The following SUN1 variants were observed in gnomAD, a reference collection of about 807,000 sequenced individuals.
The protein encoded by SUN1 is SUN domain-containing protein 1.
A neutral mutation model predicts 103.2 loss-of-function variants in SUN1; 61 were observed. That is an observed-to-expected ratio of 0.59 (90% CI 0.48 to 0.73). SUN1 has a LOEUF of 0.73. SUN1 is among the 30% of genes least tolerant of loss of function. SUN1 has a pLI of 0.00. For synonymous variants in SUN1, 490 were observed against 425.7 expected (o/e 1.15, Z -1.86); for missense variants, 1,052 against 1,034.6 (o/e 1.02, Z -0.23).
intron 16 of SUN1, among the ~76,000 whole-genome samples, 167 bp downstream of exon 16, chr7:866,234 C>G (rs1014684244): frequency 6.6e-6 from 1 of 152,180 alleles, no homozygotes; most frequent in African/African-American, 2.4e-5. Context: ...CCCGGTGTCC[C>G]CGTGTAGCCT....
At chr7:818,286 C>A (rs566361423) in intron 1 of SUN1, among the ~76,000 whole-genome samples, 98 of 152,338 alleles carry the variant, frequency 6.4e-4, no homozygotes, top group African/African-American at 2.2e-3. Flanking sequence ...TGGAATCATA[C>A]AATATGCAGC....
At chr7:835,579 C>T (rs4719520) in intron 1 of SUN1, among the ~76,000 whole-genome samples, 1 of 152,026 alleles carries the variant, frequency 6.6e-6, no homozygotes, top group South Asian at 2.1e-4. Flanking sequence ...TTCTTGTCAA[C>T]TGGTAGTTAA....
At chr7:837,973 T>G (rs1805106650) in intron 1 of SUN1, among the ~76,000 whole-genome samples, 1 of 152,262 alleles carries the variant, frequency 6.6e-6, no homozygotes, top group Non-Finnish European at 1.5e-5. Flanking sequence ...CTCTCTCTTG[T>G]CCCCACCTCA....
intron 1 of SUN1, among the ~76,000 whole-genome samples, chr7:820,513 T>A (rs1784934182): frequency 6.6e-6 from 1 of 152,222 alleles, no homozygotes; most frequent in African/African-American, 2.4e-5. Flanking sequence ...GATCATGTCA[T>A]CTGAGAATAA....
chr7:869,395 G>C lies in SUN1; in HGVS notation c.2027G>C (p.Gly676Ala). 6.2e-7 allele frequency: 1 copy of C among 1,613,846 alleles called. No individual in the cohort carries two copies. Among genetic ancestry groups the C allele is most frequent in the Middle Eastern group, 1.7e-4 (1 of 6,056 alleles). Residue 676 changes from glycine (G) to alanine (A), a missense_variant, in exon 17 of 19, where the codon GGG becomes GCG. Around this residue, in one of 2 missense-constraint regions of SUN1, gnomAD observed 206 missense variants for 260.1 expected, o/e 0.79. Coordinates refer to ENST00000401592, the MANE Select transcript of SUN1 (RefSeq NM_001130965.3). ...TGCTGGGCATTTAAAGGCTCCCAGG[G>C]GTACCTGGTGGTGAGGCTCTCCATG... ...GNCWAFKGSQ[G>A]YLVVRLSMMI... is the part of the protein sequence containing the mutation.
intron 2 of SUN1, chr7:841,694 C>T: frequency 2.2e-6 from 1 of 447,910 alleles, no homozygotes. Flanking sequence ...CTTTTAACCA[C>T]TTGGGGTCAT....
chr7:833,604 C>T (rs1337030511), intron 1 of SUN1, among the ~76,000 whole-genome samples: 1 of 152,180 alleles, frequency 6.6e-6, no homozygotes, highest in Non-Finnish European at 1.5e-5. Context: ...AGCCACCGTG[C>T]CCGGTCTCAG....
Position 869,526 on chromosome 7 carries a change from C to T in SUN1, c.2148+10C>T, listed in dbSNP as rs1839861851. ...GGACTTCGCCGTCTATGTGAGTGCC[C>T]TTGGCCGACCCTCCTCCTCCCACAC... On this transcript the variant is annotated intron_variant, in intron 17 of 18. Transcript: ENST00000401592. 1.2e-6 allele frequency: 2 copies of T among 1,609,798 alleles called. No homozygotes were observed. The highest frequency in any genetic ancestry group is 1.3e-5 in the African/African-American group (1 of 74,808).
intron 5 of SUN1, among the ~76,000 whole-genome samples, chr7:845,410 A>G (rs556973522): frequency 4.7e-4 from 72 of 152,146 alleles, no homozygotes; most frequent in Non-Finnish European, 7.5e-4. Context: ...GCCCTCTCAG[A>G]CAAAGGCCAG....
chr7:821,158 CTTTTTTTTTT>C (rs71546461), intron 1 of SUN1, among the ~76,000 whole-genome samples: 11 of 68,980 alleles, frequency 1.6e-4, no homozygotes, highest in African/African-American at 2.3e-4. Context: ...TTCAGCACAT[CTTTTTTTTTT>C]TTTTTTTTTT....
chr7:824,646 C>T lies in SUN1; in HGVS notation c.-74+7973C>T, dbSNP rs192716836. Among the ~76,000 whole-genome samples, 23 of 152,298 alleles carry T rather than the reference C, an allele frequency of 1.5e-4. No homozygotes were observed. The South Asian group carries it at 1.7e-3, about 11-fold the overall frequency. The stretch of plus-strand genomic sequence containing the variant: ...CCCTTATGGTAAGGAGATGTGTGCA[C>T]GTGATCATCGGTCTTCTGGTAGAAG... On this transcript the variant is annotated intron_variant, in intron 1 of 17. Coordinates refer to the SUN1 transcript ENST00000389574.
intron 12 of SUN1, 98 bp downstream of exon 12, chr7:856,499 C>A: frequency 1.4e-6 from 2 of 1,424,916 alleles, no homozygotes; most frequent in Non-Finnish European, 2.0e-6. Context: ...CGGGGCCGGC[C>A]TCCCCCGAGG....
intron 16 of SUN1, among the ~76,000 whole-genome samples, chr7:867,203 C>T (rs1229863880): frequency 6.6e-6 from 1 of 152,254 alleles, no homozygotes; most frequent in East Asian, 1.9e-4. Flanking sequence ...ACCGCACGGG[C>T]TCACCAGCAC....
In SUN1 at chr7:862,733, G is replaced by A. The variant is rs138463726; in HGVS notation, c.1864+1269G>A. On this transcript the variant is annotated intron_variant, in intron 15 of 18. Coordinates refer to ENST00000401592, the MANE Select transcript of SUN1 (RefSeq NM_001130965.3). ...CTGGTAATCCTGATGAGGCTGCACC[G>A]AAGGTTCCATTATTGAAGAAAACAT... is the stretch of plus-strand genomic sequence containing the variant. Among the ~76,000 whole-genome samples, 11 of 152,350 alleles carry A rather than the reference G, an allele frequency of 7.2e-5. No individual in the cohort carries two copies. In the East Asian group the frequency reaches 1.7e-3, roughly 24 times the overall value.
upstream of SUN1, chr7:832,381 T>C: frequency 1.3e-6 from 1 of 795,616 alleles, no homozygotes; most frequent in Admixed American, 2.1e-5. Flanking sequence ...TGGCCGTGTT[T>C]CCTGTGAGTT....
At chr7:817,494 G>C (rs897019872) in intron 1 of SUN1, 3 of 1,536,126 alleles carry the variant, frequency 2.0e-6, no homozygotes, top group African/African-American at 2.7e-5. Context: ...GGGCTCCCCA[G>C]GACAGGTGGG....
chr7:823,215 T>G (rs1259749219), intron 1 of SUN1, among the ~76,000 whole-genome samples: 5 of 152,222 alleles, frequency 3.3e-5, no homozygotes, highest in Non-Finnish European at 7.3e-5. Flanking sequence ...GAGGCACAGT[T>G]CCTGCCGTCA....
At chr7:831,840 TCAGG>T (rs139500592), upstream of SUN1, 510 of 162,540 alleles carry the variant, frequency 3.1e-3, 2 homozygotes, top group Admixed American at 5.0e-3. Context: ...TTTTTGAAAG[TCAGG>T]GTGTGTGCAT....
chr7:844,949 G>A (rs750244478), intron 5 of SUN1, among the ~76,000 whole-genome samples: 97 of 152,186 alleles, frequency 6.4e-4, no homozygotes, highest in Non-Finnish European at 5.9e-4. Context: ...TAGCTTAATC[G>A]ACGCGCACAA....
Sources: gnomAD v4.1 joint callset for allele counts (sites outside exome capture counted in the v4.1 genomes callset) on GRCh38, gnomAD v4.1.1 for gene constraint, gnomAD v4.1.1 regional missense constraint, MANE v1.5 for transcripts, NCBI Gene and HGNC (gene_info 2026-07-23, HGNC 2026-07-21) for gene names.